The following CACNA2D1 variants were observed in gnomAD, a reference collection of about 807,000 sequenced individuals.
CACNA2D1 encodes calcium voltage-gated channel auxiliary subunit alpha2delta 1, also known as voltage-dependent calcium channel subunit alpha-2/delta-1.
A neutral mutation model predicts 171.5 loss-of-function variants in CACNA2D1; 53 were observed. The ratio of observed to expected loss-of-function variants is 0.31; its 90% CI spans 0.25 to 0.39. The LOEUF (loss-of-function observed/expected upper bound fraction) is 0.39, where lower values mean the gene tolerates loss of function less well. CACNA2D1 is among the 10% of genes least tolerant of loss of function. The probability of loss-of-function intolerance (pLI) is 1.00; values close to 1 mark genes in which losing one functional copy is unlikely to be tolerated. For synonymous variants in CACNA2D1, 442 were observed against 443.1 expected (o/e 1.00, Z 0.03); for missense variants, 903 against 1,299.8 (o/e 0.69, Z 4.69).
intron 3 of CACNA2D1, among the ~76,000 whole-genome samples, chr7:82,174,644 C>T (rs1473224309): frequency 6.6e-6 from 1 of 151,922 alleles, no homozygotes; most frequent in Non-Finnish European, 1.5e-5. Context: ...AATATCAAAA[C>T]CAAAACACTA....
At chr7:82,205,268 A>G (rs897092928) in intron 3 of CACNA2D1, among the ~76,000 whole-genome samples, 3 of 152,196 alleles carry the variant, frequency 2.0e-5, no homozygotes, top group Non-Finnish European at 4.4e-5. Context: ...AGATTTATAT[A>G]TGTAACACAT....
At chr7:82,111,310 ATATACGTG>A (rs1209209721) in intron 6 of CACNA2D1, among the ~76,000 whole-genome samples, 4 of 96,206 alleles carry the variant, frequency 4.2e-5, no homozygotes, top group African/African-American at 1.6e-4. Context: ...ATATATATAT[ATATACGTG>A]TATATACGCA....
intron 3 of CACNA2D1, among the ~76,000 whole-genome samples, chr7:82,172,616 CTTTTTTTTTT>C (rs55737158): frequency 3.1e-5 from 2 of 64,510 alleles, no homozygotes; most frequent in African/African-American, 1.5e-4. Context: ...AGAAACCCGG[CTTTTTTTTTT>C]TTTTTTTTTT....
chr7:82,369,367 A>T (rs1008113901), intron 1 of CACNA2D1, among the ~76,000 whole-genome samples: 1 of 151,234 alleles, frequency 6.6e-6, no homozygotes, highest in Non-Finnish European at 1.5e-5. Flanking sequence ...GGACTTTTTC[A>T]TCTAGTATAT....
intron 3 of CACNA2D1, among the ~76,000 whole-genome samples, chr7:82,187,584 T>A (rs185688139): frequency 3.0e-3 from 458 of 152,282 alleles, no homozygotes; most frequent in Non-Finnish European, 5.3e-3. Context: ...TAGTCAAGAT[T>A]TCTGAGGAAA....
At chr7:82,001,799 T>C (rs553573094) in intron 18 of CACNA2D1, 3 of 405,914 alleles carry the variant, frequency 7.4e-6, no homozygotes, top group South Asian at 7.0e-5. Flanking sequence ...TTTCGTCAGA[T>C]ATTTCCTTGA....
rs955902199 is a variant in CACNA2D1, at chr7:82,393,636, T to TC, written c.96-43988dup. 3.3e-4 allele frequency among the ~76,000 whole-genome samples: 50 copies of TC among 152,280 alleles called. 1 individual carries two copies. Among genetic ancestry groups the TC allele is most frequent in the Admixed American group, 2.7e-3 (42 of 15,296 alleles). ...CAATTAAAATCCACCTATACAAATATCTGTCCCTACCAGTGACTAAGCTCT... is the reference window on the plus strand; with the variant it reads ...CAATTAAAATCCACCTATACAAATATCCTGTCCCTACCAGTGACTAAGCTCT... On this transcript the variant is annotated intron_variant, in intron 1 of 38. Coordinates refer to ENST00000356860, the MANE Select transcript of CACNA2D1 (RefSeq NM_000722.4).
At chr7:81,989,149 G>T (rs1030730683) in intron 21 of CACNA2D1, among the ~76,000 whole-genome samples, 2 of 152,348 alleles carry the variant, frequency 1.3e-5, no homozygotes, top group Middle Eastern at 3.4e-3. Flanking sequence ...ATGGGTGCCA[G>T]TGTTTATGTT....
intron 3 of CACNA2D1, among the ~76,000 whole-genome samples, chr7:82,220,289 C>T (rs1409519452): frequency 6.6e-6 from 1 of 152,090 alleles, no homozygotes. Flanking sequence ...TTTAAATCCA[C>T]AAGATGCAGG....
At chr7:81,995,673 C>T (rs577517834) in intron 19 of CACNA2D1, among the ~76,000 whole-genome samples, 1 of 152,026 alleles carries the variant, frequency 6.6e-6, no homozygotes, top group African/African-American at 2.4e-5. Context: ...GTGGCAGGCG[C>T]CTGTAATCCC....
chr7:82,049,532 T>C (rs183977512), intron 10 of CACNA2D1, among the ~76,000 whole-genome samples: 16 of 152,332 alleles, frequency 1.1e-4, no homozygotes, highest in South Asian at 1.0e-3. Context: ...GGTACCTCTT[T>C]AGTATACTGA....
intron 3 of CACNA2D1, among the ~76,000 whole-genome samples, chr7:82,289,377 G>A (rs559777580): frequency 9.9e-4 from 150 of 152,106 alleles, no homozygotes; most frequent in African/African-American, 3.3e-3. Context: ...ATGCCAATTC[G>A]CAATACAATG....
chr7:82,248,248 A>G (rs1357138683), intron 3 of CACNA2D1, among the ~76,000 whole-genome samples: 3 of 152,144 alleles, frequency 2.0e-5, no homozygotes, highest in African/African-American at 7.2e-5. Flanking sequence ...TGTTTTTTCT[A>G]AATTGTTGGA....
At position 82,397,304 on chromosome 7, in the gene CACNA2D1, G is replaced by A. The variant is rs1338507510; in HGVS notation, c.95+46061C>T. 2.0e-5 allele frequency among the ~76,000 whole-genome samples: 3 copies of A among 152,038 alleles called. No homozygotes were observed. In the East Asian group the frequency reaches 5.8e-4, roughly 29 times the overall value. On this transcript the variant is annotated intron_variant, in intron 1 of 38. Transcript: ENST00000356860. ...TATTTGTACTTAAAATAAAAAAATTGAATATTCTTATATGAATCTAAAAAT... is the reference window on the plus strand; with the variant it reads ...TATTTGTACTTAAAATAAAAAAATTAAATATTCTTATATGAATCTAAAAAT...
intron 1 of CACNA2D1, among the ~76,000 whole-genome samples, chr7:82,366,903 C>CTTTTTTTTTT (rs71093376): frequency 2.9e-4 from 25 of 86,970 alleles, no homozygotes; most frequent in African/African-American, 8.5e-4. Flanking sequence ...TGGTTTTGAC[C>CTTTTTTTTTT]TTTTTTTTTT....
intron 3 of CACNA2D1, among the ~76,000 whole-genome samples, chr7:82,292,187 A>G (rs1428055950): frequency 6.6e-6 from 1 of 152,172 alleles, no homozygotes; most frequent in Non-Finnish European, 1.5e-5. Flanking sequence ...CTGGAGTTAT[A>G]CATTCTCAGG....
chr7:82,198,860 G>T (rs1799117097), intron 3 of CACNA2D1, among the ~76,000 whole-genome samples: 1 of 151,978 alleles, frequency 6.6e-6, no homozygotes, highest in South Asian at 2.1e-4. Context: ...TTGCAGGTTT[G>T]AATTACCCAT....
chr7:82,101,257 C>T (rs115331026), intron 6 of CACNA2D1, among the ~76,000 whole-genome samples: 3,336 of 152,210 alleles, frequency 0.022, 126 homozygotes, highest in African/African-American at 0.076. Context: ...TTGGTTAGAA[C>T]AGACTTCTCA....
chr7:82,009,544 A>G (rs1206034031), intron 15 of CACNA2D1, among the ~76,000 whole-genome samples: 2 of 152,124 alleles, frequency 1.3e-5, no homozygotes, highest in Non-Finnish European at 1.5e-5. Context: ...TATAATCTAT[A>G]TGCATGGTTT....
Sources: gnomAD v4.1 joint callset for allele counts (sites outside exome capture counted in the v4.1 genomes callset) on GRCh38, gnomAD v4.1.1 for gene constraint, MANE v1.5 for transcripts, NCBI Gene and HGNC (gene_info 2026-07-23, HGNC 2026-07-21) for gene names.